Variants in TASP1 observed in about 807,000 individuals in gnomAD.
The protein encoded by TASP1 is taspase 1, also known as threonine aspartase 1.
Under a neutral mutation model 56.6 loss-of-function variants are expected in TASP1, and 16 were observed. The observed-to-expected ratio is 0.28, with a 90% CI of 0.19 to 0.43. The LOEUF (loss-of-function observed/expected upper bound fraction) is 0.43, where lower values mean the gene tolerates loss of function less well. Ranked by LOEUF, TASP1 falls within the 20% of genes least tolerant of loss-of-function variation. The pLI, the probability that TASP1 is intolerant of heterozygous loss-of-function variation, is 1.00. For synonymous variants in TASP1, 179 were observed against 184.2 expected (o/e 0.97, Z 0.23); for missense variants, 393 against 511.6 (o/e 0.77, Z 2.24).
chr20:13,445,177 T>C (rs1400230891), intron 11 of TASP1, among the ~76,000 whole-genome samples: 1 of 152,168 alleles, frequency 6.6e-6, no homozygotes, highest in Non-Finnish European at 1.5e-5. Context: ...AATCTTCGGA[T>C]AAATTTACTG....
the TASP1 span, among the ~76,000 whole-genome samples, chr20:13,138,114 C>T: frequency 1.3e-5 from 2 of 152,196 alleles, no homozygotes; most frequent in African/African-American, 4.8e-5. Context: ...CAGTCAGTAT[C>T]ATTTTCTTCA....
Position 13,511,875 on chromosome 20 carries a change from G to A in TASP1, c.874+16558C>T, listed in dbSNP as rs568025877. Among the ~76,000 whole-genome samples the A allele has an allele frequency of 3.8e-3, 581 of 151,294 alleles. 1 individual carries two copies. The highest frequency in any genetic ancestry group is 9.6e-3 in the African/African-American group (393 of 41,150). On this transcript the variant is annotated intron_variant, in intron 10 of 13. Transcript: ENST00000337743. Reference sequence around the variant, plus strand: ...GAGGTGTTTGGTTTTTTGTCCTTGCGATAGTTTGCTGAGAATGATGGTTTC... The same window carrying A: ...GAGGTGTTTGGTTTTTTGTCCTTGCAATAGTTTGCTGAGAATGATGGTTTC...
chr20:13,479,013 T>G (rs777857728), intron 11 of TASP1, among the ~76,000 whole-genome samples: 3 of 152,138 alleles, frequency 2.0e-5, no homozygotes, highest in Non-Finnish European at 4.4e-5. Context: ...GTGGAAAGCA[T>G]ATTGCAAAAC....
chr20:13,208,515 G>A, the TASP1 span, among the ~76,000 whole-genome samples: 1 of 152,230 alleles, frequency 6.6e-6, no homozygotes, highest in Admixed American at 6.5e-5. Flanking sequence ...TATACCCTCT[G>A]CAATGCACCT....
At chr20:13,291,569 T>C in the TASP1 span, among the ~76,000 whole-genome samples, 44 of 152,314 alleles carry the variant, frequency 2.9e-4, no homozygotes, top group African/African-American at 1.0e-3. Flanking sequence ...CTCTTATTGC[T>C]TTAGCTTGCA....
intron 7 of TASP1, among the ~76,000 whole-genome samples, chr20:13,569,147 T>TC (rs2046631395): frequency 6.6e-6 from 1 of 152,086 alleles, no homozygotes; most frequent in Non-Finnish European, 1.5e-5. Flanking sequence ...AAAAAGTCCT[T>TC]CCCTCAGCTC....
chr20:13,441,245 C>T (rs2043202035), intron 11 of TASP1, among the ~76,000 whole-genome samples: 1 of 152,120 alleles, frequency 6.6e-6, no homozygotes, highest in African/African-American at 2.4e-5. Flanking sequence ...ATTCAAATCG[C>T]TAAATTAATT....
At position 13,597,597 on chromosome 20, in the gene TASP1, A is replaced by G. The variant is rs551839569; in HGVS notation, c.283-10227T>C. ...ATCATACTGGATGGGCAATAGCTGG[A>G]AGCATTCCCTTTGAAAACTGGCACA... On this transcript the variant is annotated intron_variant, in intron 4 of 13. Transcript: ENST00000337743. Among the ~76,000 whole-genome samples, 262 of 152,352 alleles carry G rather than the reference A, an allele frequency of 1.7e-3. 2 individuals carry two copies. The highest frequency in any genetic ancestry group is 1.9e-3 in the Non-Finnish European group (129 of 68,030).
intron 7 of TASP1, among the ~76,000 whole-genome samples, chr20:13,566,695 GATTATT>G (rs1489036111): frequency 6.6e-6 from 1 of 152,148 alleles, no homozygotes; most frequent in Non-Finnish European, 1.5e-5. Flanking sequence ...TAACATCACT[GATTATT>G]AGAGAACTGC....
chr20:13,164,710 C>A, the TASP1 span: 1 of 1,479,892 alleles, frequency 6.8e-7, no homozygotes, highest in African/African-American at 1.4e-5. Flanking sequence ...AGCAGGGCTA[C>A]TTAGGTGTTC....
At chr20:13,600,080 T>C (rs866519679) in intron 4 of TASP1, among the ~76,000 whole-genome samples, 2 of 152,108 alleles carry the variant, frequency 1.3e-5, no homozygotes, top group Non-Finnish European at 2.9e-5. Flanking sequence ...ACATAATACA[T>C]ACAAGATCTG....
intron 2 of TASP1, among the ~76,000 whole-genome samples, chr20:13,627,794 T>C (rs937000337): frequency 6.6e-6 from 1 of 150,538 alleles, no homozygotes; most frequent in Non-Finnish European, 1.5e-5. Context: ...AATGTGGCTA[T>C]GCACCCTGAG....
At chr20:13,545,078 A>G (rs2045758056) in intron 8 of TASP1, among the ~76,000 whole-genome samples, 1 of 152,220 alleles carries the variant, frequency 6.6e-6, no homozygotes, top group Non-Finnish European at 1.5e-5. Context: ...AAATGGCCAT[A>G]TAATTATGAA....
chr20:13,202,723 G>GA, the TASP1 span, among the ~76,000 whole-genome samples: 1 of 152,228 alleles, frequency 6.6e-6, no homozygotes, highest in Non-Finnish European at 1.5e-5. Flanking sequence ...ATAGAAAGAG[G>GA]AAAGTGACGT....
chr20:13,464,191 G>A (rs2044163283), intron 11 of TASP1, among the ~76,000 whole-genome samples: 1 of 152,160 alleles, frequency 6.6e-6, no homozygotes, highest in East Asian at 1.9e-4. Context: ...TGGAGACAGA[G>A]TCTTTAAAGG....
At chr20:13,368,089 C>T in the TASP1 span, among the ~76,000 whole-genome samples, 1,211 of 152,182 alleles carry the variant, frequency 8.0e-3, 10 homozygotes, top group African/African-American at 0.028. Flanking sequence ...ATTGACATTC[C>T]CATGGTGTAG....
At chr20:13,218,456 C>T in the TASP1 span, among the ~76,000 whole-genome samples, 2 of 151,920 alleles carry the variant, frequency 1.3e-5, no homozygotes, top group African/African-American at 4.8e-5. Context: ...GGGAGTGGGG[C>T]GATGCTCTGA....
chr20:13,173,976 C>T, the TASP1 span, among the ~76,000 whole-genome samples: 3 of 152,264 alleles, frequency 2.0e-5, no homozygotes, highest in Admixed American at 6.5e-5. Context: ...AATTTTGTAG[C>T]TTGTTCAAAG....
chr20:13,181,519 C>T, the TASP1 span, among the ~76,000 whole-genome samples: 2 of 152,206 alleles, frequency 1.3e-5, no homozygotes, highest in Admixed American at 1.3e-4. Flanking sequence ...CGAGAGCTTG[C>T]TCAGTAACTA....
Sources: allele counts gnomAD v4.1 joint callset (sites outside exome capture counted in the v4.1 genomes callset), GRCh38; gene constraint gnomAD v4.1.1; transcripts MANE v1.5; gene names NCBI Gene and HGNC (gene_info 2026-07-23, HGNC 2026-07-21).